HDAC7: variants seen among roughly 807,000 people sequenced by gnomAD.
HDAC7 encodes the protein histone deacetylase 7.
Under a neutral mutation model 115.5 loss-of-function variants are expected in HDAC7, and 26 were observed. The ratio of observed to expected loss-of-function variants is 0.23; its 90% CI spans 0.16 to 0.31. The LOEUF (loss-of-function observed/expected upper bound fraction) is 0.31. HDAC7 is among the 10% of genes least tolerant of loss of function. The probability of loss-of-function intolerance (pLI) is 1.00; values close to 1 mark genes in which losing one functional copy is unlikely to be tolerated. For synonymous variants in HDAC7, 564 were observed against 550.9 expected (o/e 1.02, Z -0.33); for missense variants, 1,068 against 1,329.0 (o/e 0.80, Z 3.05).
chr12:47,793,342 CA>C lies in HDAC7; in HGVS notation c.1678+26del. 2 of 1,397,868 alleles carry C rather than the reference CA, an allele frequency of 1.4e-6. No homozygotes were observed. Among genetic ancestry groups the C allele is most frequent in the Non-Finnish European group, 9.7e-7 (1 of 1,033,334 alleles). 86.6% of individuals were successfully genotyped at this position (1,397,868 alleles called of 1,614,324 possible). On this transcript the variant is annotated intron_variant, in intron 13 of 25. Coordinates refer to ENST00000080059, the MANE Select transcript of HDAC7 (RefSeq NM_015401.5). The surrounding 1 kb of genome is among the most constrained non-coding windows in gnomAD (Gnocchi z 4.5). ...ACTCGTGCAGCCGAGCCCCTCCCTC[CA>C]CCCGCCACCCTCCTCCCGGTCTCAC...
Position 47,797,359 on chromosome 12 carries a change from A to G in HDAC7, c.577+25T>C. On this transcript the variant is annotated intron_variant, in intron 6 of 25. Transcript: ENST00000080059. The surrounding 1 kb of genome is among the most constrained non-coding windows in gnomAD (Gnocchi z 5.5). ...GCCCTTCCCCCTTCCTTTGCCTGAA[A>G]GGTCCGCCTGTTTGTTCAGCTCACC... is the stretch of plus-strand genomic sequence containing the variant. The G allele has an allele frequency of 1.2e-6, 2 of 1,604,974 alleles. No homozygotes were observed. Among genetic ancestry groups the G allele is most frequent in the Non-Finnish European group, 1.7e-6 (2 of 1,171,806 alleles).
chr12:47,787,241 C>CT (rs1943221475), intron 21 of HDAC7, among the ~76,000 whole-genome samples: 2 of 53,648 alleles, frequency 3.7e-5, no homozygotes, highest in Non-Finnish European at 7.5e-5. Flanking sequence ...TCTTCCAGGC[C>CT]CCCCCCCAGC....
intron 1 of HDAC7, among the ~76,000 whole-genome samples, chr12:47,804,856 A>G (rs1395674954): frequency 1.3e-5 from 2 of 151,980 alleles, no homozygotes; most frequent in African/African-American, 4.8e-5. Flanking sequence ...TGACCTCCCT[A>G]CTGCTCCTAC....
chr12:47,799,049 G>T, intron 2 of HDAC7, 77 bp from the exon 3 acceptor site: 4 of 1,031,230 alleles, frequency 3.9e-6, no homozygotes, highest in Non-Finnish European at 5.5e-6. Context: ...TCCCCCCTCA[G>T]CCTCCCTCAG....
rs1463729465 is a variant in HDAC7 at position 47,803,224 on chromosome 12, G to A, written c.20-950C>T. Among the ~76,000 whole-genome samples, 2 of 152,188 alleles carry A rather than the reference G, an allele frequency of 1.3e-5. No individual in the cohort carries two copies. Among genetic ancestry groups the A allele is most frequent in the East Asian group, 1.9e-4 (1 of 5,192 alleles). On this transcript the variant is annotated intron_variant, in intron 1 of 25. Transcript: ENST00000080059. This position sits in a 1 kb window ranked among gnomAD's most constrained non-coding sequence, Gnocchi z 4.0. Reference sequence around the variant, plus strand: ...GTCCAGTTCAGGGTCAAGGGGACAGGAGGCCAGGAGACCCAGAGGCTGCCT... The same window carrying A: ...GTCCAGTTCAGGGTCAAGGGGACAGAAGGCCAGGAGACCCAGAGGCTGCCT...
intron 21 of HDAC7, among the ~76,000 whole-genome samples, chr12:47,787,240 C>CA (rs1565793714): frequency 9.4e-5 from 5 of 53,154 alleles, no homozygotes; most frequent in African/African-American, 1.6e-4. Flanking sequence ...CTCTTCCAGG[C>CA]CCCCCCCCAG....
In HDAC7 at chr12:47,797,344, C is replaced by G. The variant is rs201120443; in HGVS notation, c.577+40G>C. The G allele has an allele frequency of 3.0e-4, 475 of 1,585,904 alleles. 2 individuals carry two copies. In the Middle Eastern group the frequency reaches 7.6e-3, roughly 26 times the overall value. The stretch of plus-strand genomic sequence containing the variant: ...TCCCCCATGTCCGAGGCCCTTCCCC[C>G]TTCCTTTGCCTGAAAGGTCCGCCTG... On this transcript the variant is annotated intron_variant, in intron 6 of 25. Transcript: ENST00000080059. The surrounding 1 kb of genome is among the most constrained non-coding windows in gnomAD (Gnocchi z 5.5).
chr12:47,796,234 G>T lies in HDAC7; in HGVS notation c.768C>A (p.His256Gln). ...SGCSSPNDSE[H>Q]GPNPILGSEA... ...CCGAGCCCAGGATGGGATTGGGGCC[G>T]TGCTCGCTGTCATTGGGGGAGCTGC... The change falls in exon 8 of 26, where the codon CAC becomes CAA. Residue 256 changes from histidine to glutamine, a missense_variant. This residue lies in a region of HDAC7 where 618 missense variants were observed against 701.5 expected (regional missense o/e 0.88). Coordinates refer to ENST00000080059, the MANE Select transcript of HDAC7 (RefSeq NM_015401.5). The T allele has an allele frequency of 7.5e-6, 12 of 1,605,566 alleles. No individual in the cohort carries two copies. Among genetic ancestry groups the T allele is most frequent in the Non-Finnish European group, 1.0e-5 (12 of 1,177,748 alleles).
At chr12:47,811,916 T>C (rs1287985555) in intron 1 of HDAC7, among the ~76,000 whole-genome samples, 2 of 152,242 alleles carry the variant, frequency 1.3e-5, no homozygotes, top group African/African-American at 2.4e-5. Flanking sequence ...ATAATGATCA[T>C]TTCCTGAAAG....
chr12:47,784,601 C>T, intron 24 of HDAC7: 1 of 965,120 alleles, frequency 1.0e-6, no homozygotes, highest in African/African-American at 1.6e-5. Context: ...AAGCTCGGGC[C>T]TCCCACTTAA....
At chr12:47,818,206 G>A (rs1010709541) in intron 1 of HDAC7, among the ~76,000 whole-genome samples, 2 of 152,160 alleles carry the variant, frequency 1.3e-5, no homozygotes, top group Non-Finnish European at 2.9e-5. Context: ...GGACACAGAG[G>A]CCTCTGGAGA....
intron 23 of HDAC7, 34 bp downstream of exon 23, chr12:47,785,718 A>C: frequency 6.3e-7 from 1 of 1,588,160 alleles, no homozygotes; most frequent in Non-Finnish European, 8.6e-7. Flanking sequence ...TACCTGCCTG[A>C]CAGAAGCATG....
chr12:47,791,000 A>C, intron 16 of HDAC7: 2 of 569,002 alleles, frequency 3.5e-6, no homozygotes, highest in Non-Finnish European at 3.1e-6. Context: ...TGCTCCTGAA[A>C]CCTCACTCAA....
At chr12:47,788,951 C>T (rs1223343772) in intron 19 of HDAC7, 9 of 362,020 alleles carry the variant, frequency 2.5e-5, no homozygotes, top group Non-Finnish European at 4.6e-5. Flanking sequence ...ATCATCACTA[C>T]CTGTACAGGA....
rs935557856 is a variant in HDAC7, at chr12:47,795,480, G to A, written c.1088-100C>T. On this transcript the variant is annotated intron_variant, in intron 10 of 25. Transcript: ENST00000080059. The surrounding 1 kb of genome is among the most constrained non-coding windows in gnomAD (Gnocchi z 4.3). ...GGGCCAGGGTGCAGCAGGGCAATGCGCAGGACAGGGGGACAGAGATGGGGA... is the reference window on the plus strand; with the variant it reads ...GGGCCAGGGTGCAGCAGGGCAATGCACAGGACAGGGGGACAGAGATGGGGA... The A allele has an allele frequency of 2.4e-5, 34 of 1,393,484 alleles. No homozygotes were observed. Among genetic ancestry groups the A allele is most frequent in the Non-Finnish European group, 3.2e-5 (32 of 1,010,530 alleles). The allele number at this position is 1,393,484 out of a possible 1,614,324, so 86.3% of individuals were successfully genotyped here.
Position 47,795,693 on chromosome 12 carries a change from G to A in HDAC7, c.981C>T (p.Leu327=). The A allele has an allele frequency of 6.4e-7, 1 of 1,551,276 alleles. No homozygotes were observed. The change falls in exon 10 of 26, where the codon CTC becomes CTT. Residue 327 remains leucine, a synonymous_variant. Transcript: ENST00000080059. This position sits in a 1 kb window ranked among gnomAD's most constrained non-coding sequence, Gnocchi z 4.3. ...GPILGSPHTP[L]FLPHGLEPEA... Reference sequence around the variant, plus strand: ...CGGGCTCCAAGCCATGGGGCAGGAAGAGGGGAGTGTGGGGGCTCCCCAGGA... The same window carrying A: ...CGGGCTCCAAGCCATGGGGCAGGAAAAGGGGAGTGTGGGGGCTCCCCAGGA...
chr12:47,798,687 G>A lies in HDAC7; in HGVS notation c.259-35C>T. 3 of 1,594,282 alleles carry A rather than the reference G, an allele frequency of 1.9e-6. No homozygotes were observed. Among genetic ancestry groups the A allele is most frequent in the Middle Eastern group, 1.7e-4 (1 of 6,042 alleles). On this transcript the variant is annotated intron_variant, in intron 3 of 25. Coordinates refer to ENST00000080059, the MANE Select transcript of HDAC7 (RefSeq NM_015401.5). This position sits in a 1 kb window ranked among gnomAD's most constrained non-coding sequence, Gnocchi z 4.3. ...GGGCCGGCAGCCCAGAAAGGGACAA[G>A]GAGTTGAGGACTGAGACTGGTGTCT...
At chr12:47,789,187 G>A (rs959550883) in intron 19 of HDAC7, 74 bp downstream of exon 19, 26 of 1,135,552 alleles carry the variant, frequency 2.3e-5, no homozygotes, top group Middle Eastern at 2.0e-4. Flanking sequence ...ACATGAAGCC[G>A]CATCTCTAAC....
chr12:47,789,364 G>T lies in HDAC7; in HGVS notation c.2148-16C>A, dbSNP rs1328330670. On this transcript the variant is annotated splice_polypyrimidine_tract_variant and intron_variant, in intron 18 of 25. Transcript: ENST00000080059. ...GCAGAAGCCCCTGGAAGGAGAGACA[G>T]GTCCTGCCAGCCCATTCTCTCCACA... 6.2e-7 allele frequency: 1 copy of T among 1,608,672 alleles called. No homozygotes were observed. The highest frequency in any genetic ancestry group is 8.5e-7 in the Non-Finnish European group (1 of 1,175,336).
Sources: allele counts gnomAD v4.1 joint callset (sites outside exome capture counted in the v4.1 genomes callset), GRCh38; gene constraint gnomAD v4.1.1; regional missense constraint gnomAD v4.1.1; non-coding constraint Gnocchi (gnomAD v3.1); transcripts MANE v1.5; gene names NCBI Gene and HGNC (gene_info 2026-07-23, HGNC 2026-07-21).